DRGX: variants seen among roughly 807,000 people sequenced by gnomAD.
DRGX encodes the protein dorsal root ganglia homeobox protein.
In DRGX, 21 loss-of-function variants were observed where a neutral mutation model predicts 28.6. The ratio of observed to expected loss-of-function variants is 0.73; its 90% confidence interval spans 0.52 to 1.06. The LOEUF is 1.06. DRGX is among the 50% of genes least tolerant of loss of function. The probability of loss-of-function intolerance (pLI) is 0.00; values close to 1 mark genes in which losing one functional copy is unlikely to be tolerated. For synonymous variants in DRGX, 136 were observed against 139.1 expected (o/e 0.98, Z 0.16); for missense variants, 354 against 343.9 (o/e 1.03, Z -0.23).
chr10:49,366,477 G>T, intron 6 of DRGX, 96 bp from the exon 7 acceptor site: 1 of 1,486,268 alleles, frequency 6.7e-7, no homozygotes, highest in Non-Finnish European at 9.0e-7. Flanking sequence ...AGGACAGAAA[G>T]ATTGATTCCC....
chr10:49,388,471 TCTTTTCTAATCTA>T (rs1432735220), intron 4 of DRGX, among the ~76,000 whole-genome samples: 1 of 152,262 alleles, frequency 6.6e-6, no homozygotes, highest in Non-Finnish European at 1.5e-5. Flanking sequence ...TTTCTTTCTT[TCTTTTCTAATCTA>T]CTTGGCTTTT....
chr10:49,385,649 G>A (rs7080552), intron 6 of DRGX, among the ~76,000 whole-genome samples: 3 of 151,946 alleles, frequency 2.0e-5, no homozygotes, highest in Admixed American at 6.5e-5. Flanking sequence ...GACCTCAGGC[G>A]TTAGCAGAAC....
intron 3 of DRGX, among the ~76,000 whole-genome samples, chr10:49,390,530 A>C (rs74130945): frequency 5.6e-4 from 85 of 152,344 alleles, no homozygotes; most frequent in African/African-American, 2.0e-3. Context: ...ATCAAAAAAA[A>C]ACTAACAGTC....
At chr10:49,376,090 G>T (rs549966536) in intron 6 of DRGX, among the ~76,000 whole-genome samples, 20 of 152,134 alleles carry the variant, frequency 1.3e-4, no homozygotes, top group African/African-American at 4.8e-5. Flanking sequence ...GGGCTGGAAG[G>T]TTGCACACCC....
chr10:49,391,289 G>A, intron 2 of DRGX, 28 bp from the exon 3 acceptor site: 1 of 1,597,712 alleles, frequency 6.3e-7, no homozygotes, highest in Non-Finnish European at 8.5e-7. Context: ...ATCAACCTGG[G>A]CAGGAAGGGG....
intron 6 of DRGX, among the ~76,000 whole-genome samples, chr10:49,385,941 T>A (rs1050711243): frequency 6.6e-6 from 1 of 151,934 alleles, no homozygotes; most frequent in African/African-American, 2.4e-5. Flanking sequence ...CCACAGAGGC[T>A]CCTCTCTCTG....
rs985794586 is a variant in DRGX, at chr10:49,376,143, C to T, written c.527-9762G>A. Among the ~76,000 whole-genome samples the T allele has an allele frequency of 2.0e-4, 30 of 152,270 alleles. No individual in the cohort carries two copies. In the East Asian group the frequency reaches 3.5e-3, roughly 18 times the overall value. ...TGCCTCTGACATTCATGCTATGTGACCTTGGACAGTTCTATCTCTTCTCCA... is the reference window on the plus strand; with the variant it reads ...TGCCTCTGACATTCATGCTATGTGATCTTGGACAGTTCTATCTCTTCTCCA... On this transcript the variant is annotated intron_variant, in intron 6 of 6. Transcript: ENST00000374139.
intron 6 of DRGX, among the ~76,000 whole-genome samples, chr10:49,372,486 A>C (rs1281776579): frequency 6.6e-6 from 1 of 152,216 alleles, no homozygotes; most frequent in East Asian, 1.9e-4. Flanking sequence ...TCGCCTTAAC[A>C]CACCTACTTT....
intron 6 of DRGX, among the ~76,000 whole-genome samples, chr10:49,372,440 C>T (rs372781973): frequency 2.2e-3 from 331 of 152,304 alleles, no homozygotes; most frequent in African/African-American, 7.3e-3. Context: ...TAACCAGACA[C>T]GGGACCCGCC....
chr10:49,375,470 A>G (rs191796138), intron 6 of DRGX, among the ~76,000 whole-genome samples: 3 of 152,326 alleles, frequency 2.0e-5, no homozygotes, highest in Admixed American at 2.0e-4. Flanking sequence ...GGAAAGAAAA[A>G]CTGTATTCTT....
At chr10:49,373,451 C>T (rs58070295) in intron 6 of DRGX, among the ~76,000 whole-genome samples, 8,990 of 152,228 alleles carry the variant, frequency 0.059, 759 homozygotes, top group African/African-American at 0.19. Flanking sequence ...GATGTCCCCC[C>T]ACCCCAAAAT....
At chr10:49,376,811 T>G (rs1262012423) in intron 6 of DRGX, among the ~76,000 whole-genome samples, 1 of 152,148 alleles carries the variant, frequency 6.6e-6, no homozygotes, top group Non-Finnish European at 1.5e-5. Context: ...CTCAAGCATC[T>G]TCTCTGGAAA....
intron 6 of DRGX, among the ~76,000 whole-genome samples, chr10:49,379,795 G>A (rs1849754780): frequency 6.6e-6 from 1 of 152,230 alleles, no homozygotes; most frequent in Admixed American, 6.5e-5. Context: ...GAGTGCCATT[G>A]CATGCCTGCA....
chr10:49,372,488 A>T (rs1023625242), intron 6 of DRGX, among the ~76,000 whole-genome samples: 1 of 152,196 alleles, frequency 6.6e-6, no homozygotes, highest in Non-Finnish European at 1.5e-5. Flanking sequence ...GCCTTAACAC[A>T]CCTACTTTGG....
In DRGX at chr10:49,395,391, C is replaced by T. The variant is rs1356229395; in HGVS notation, c.34+16G>A. ...CTCTGGCTTCATGGAGACCCTGGGGCGCAGCGCTTACTTACCCTCTAGCTG... is the reference window on the plus strand; with the variant it reads ...CTCTGGCTTCATGGAGACCCTGGGGTGCAGCGCTTACTTACCCTCTAGCTG... On this transcript the variant is annotated intron_variant, in intron 2 of 6. Coordinates refer to ENST00000374139, the MANE Select transcript of DRGX (RefSeq NM_001276451.2). 3.2e-6 allele frequency: 5 copies of T among 1,549,972 alleles called. No homozygotes were observed. The highest frequency in any genetic ancestry group is 3.5e-6 in the Non-Finnish European group (4 of 1,146,856).
chr10:49,390,275 C>T, intron 3 of DRGX, 41 bp from the exon 4 acceptor site: 1 of 1,542,644 alleles, frequency 6.5e-7, no homozygotes, highest in Non-Finnish European at 8.8e-7. Flanking sequence ...GAGGCTGTGG[C>T]TAGGTGAGGG....
chr10:49,395,465 G>T lies in DRGX; in HGVS notation c.-25C>A, dbSNP rs1287790815. ...TCGCCGGCTGTCAGATCGGCTGGAC[G>T]GCCGAGACCTGGGAGGGTGGCAGCA... On this transcript the variant is annotated 5_prime_UTR_variant, in exon 2 of 7. Coordinates refer to ENST00000374139, the MANE Select transcript of DRGX (RefSeq NM_001276451.2). 5 of 1,549,768 alleles carry T rather than the reference G, an allele frequency of 3.2e-6. No individual in the cohort carries two copies. Among genetic ancestry groups the T allele is most frequent in the South Asian group, 1.2e-5 (1 of 84,062 alleles).
rs1849577437 is a variant in DRGX at position 49,364,487 on chromosome 10, G to T, written c.*1629C>A. On this transcript the variant is annotated 3_prime_UTR_variant, in exon 7 of 7. Transcript: ENST00000374139. ...AGTTCACTTATTTATGTACCTTTCT[G>T]GAGGAAATACGAGTTTAATCAAACA... 2 of 152,154 alleles carry T rather than the reference G, an allele frequency of 1.3e-5. No homozygotes were observed. The highest frequency in any genetic ancestry group is 2.9e-5 in the Non-Finnish European group (2 of 68,022). The allele number at this position is 152,154 out of a possible 1,614,324, so 9.4% of individuals were successfully genotyped here.
chr10:49,395,110 G>A (rs533635709), intron 2 of DRGX, among the ~76,000 whole-genome samples: 1 of 152,360 alleles, frequency 6.6e-6, no homozygotes, highest in South Asian at 2.1e-4. Flanking sequence ...GCCCCAATTA[G>A]AGGCGTGACA....
Sources: allele counts gnomAD v4.1 joint callset (sites outside exome capture counted in the v4.1 genomes callset), GRCh38; gene constraint gnomAD v4.1.1; transcripts MANE v1.5; gene names NCBI Gene and HGNC (gene_info 2026-07-23, HGNC 2026-07-21).